CADPS2: variants seen among roughly 807,000 people sequenced by gnomAD.
CADPS2 encodes calcium-dependent secretion activator 2.
Under a neutral mutation model 172.5 loss-of-function variants are expected in CADPS2, and 93 were observed. The observed-to-expected ratio is 0.54, with a 90% CI of 0.46 to 0.64. The LOEUF is 0.64. Ranked by LOEUF, CADPS2 falls within the 30% of genes least tolerant of loss-of-function variation. The pLI, the probability that CADPS2 is intolerant of heterozygous loss-of-function variation, is 0.00. For missense variants in CADPS2, 1,420 were observed against 1,565.9 expected (o/e 0.91, Z 1.57); for synonymous variants, 546 against 555.2 (o/e 0.98, Z 0.23).
At chr7:122,669,643 A>G (rs1588281537) in intron 2 of CADPS2, among the ~76,000 whole-genome samples, 1 of 151,924 alleles carries the variant, frequency 6.6e-6, no homozygotes, top group Admixed American at 6.6e-5. Flanking sequence ...GAGGACAACG[A>G]AAGGCCCACA....
At chr7:122,471,590 C>T (rs1390131347) in intron 13 of CADPS2, 28 bp from the exon 14 acceptor site, 1 of 1,515,830 alleles carries the variant, frequency 6.6e-7, no homozygotes, top group Non-Finnish European at 8.9e-7. Context: ...AATAGATATA[C>T]ATGTTTTTTC....
At chr7:122,836,871 A>G (rs1808625675) in intron 1 of CADPS2, among the ~76,000 whole-genome samples, 1 of 152,196 alleles carries the variant, frequency 6.6e-6, no homozygotes, top group African/African-American at 2.4e-5. Flanking sequence ...CAGATCAACG[A>G]GACAGAAAGT....
chr7:122,841,670 A>T (rs1287892562), intron 1 of CADPS2, among the ~76,000 whole-genome samples: 3 of 152,204 alleles, frequency 2.0e-5, no homozygotes, highest in Non-Finnish European at 4.4e-5. Context: ...AGATCTGAAT[A>T]TGCAAAAAAT....
At chr7:122,561,388 AAAAC>A (rs1381681885) in intron 7 of CADPS2, among the ~76,000 whole-genome samples, 2 of 152,152 alleles carry the variant, frequency 1.3e-5, no homozygotes, top group Non-Finnish European at 2.9e-5. Context: ...GGGTAGAAGA[AAAAC>A]AAAGTATTAT....
intron 14 of CADPS2, among the ~76,000 whole-genome samples, chr7:122,462,903 C>G (rs2054640340): frequency 6.6e-6 from 1 of 152,108 alleles, no homozygotes; most frequent in Non-Finnish European, 1.5e-5. Flanking sequence ...CACTTGAGCC[C>G]AGGAGTTTGA....
chr7:122,530,214 A>G (rs2061638706), intron 8 of CADPS2, among the ~76,000 whole-genome samples: 1 of 152,042 alleles, frequency 6.6e-6, no homozygotes, highest in Non-Finnish European at 1.5e-5. Context: ...AATAAAATAT[A>G]TTTGTGAACT....
intron 20 of CADPS2, 119 bp downstream of exon 20, chr7:122,407,421 A>G: frequency 9.0e-7 from 1 of 1,109,514 alleles, no homozygotes; most frequent in South Asian, 1.6e-5. Flanking sequence ...GAGCAAACCT[A>G]AATGTTACCC....
Position 122,509,250 on chromosome 7 carries a change from T to C in CADPS2, c.1542+3999A>G, listed in dbSNP as rs2059844550. On this transcript the variant is annotated intron_variant, in intron 9 of 29. Coordinates refer to ENST00000449022, the MANE Select transcript of CADPS2 (RefSeq NM_017954.11). ...TCTTTATGTTGAAAGCAGATCTTGA[T>C]GACATCCCACTAACAGAGTGCCTCT... Among the ~76,000 whole-genome samples the C allele has an allele frequency of 2.0e-5, 3 of 152,188 alleles. No homozygotes were observed. In the South Asian group the frequency reaches 6.2e-4, roughly 31 times the overall value.
At chr7:122,860,461 C>T (rs1322432594) in intron 1 of CADPS2, among the ~76,000 whole-genome samples, 8 of 152,066 alleles carry the variant, frequency 5.3e-5, no homozygotes, top group Non-Finnish European at 1.0e-4. Flanking sequence ...TCTCAAACTC[C>T]TGGCCTCAAG....
intron 6 of CADPS2, among the ~76,000 whole-genome samples, chr7:122,581,721 G>A (rs973930573): frequency 2.6e-5 from 4 of 152,018 alleles, no homozygotes; most frequent in Non-Finnish European, 4.4e-5. Context: ...CACCTGAGAG[G>A]TCTTTATTAA....
intron 19 of CADPS2, among the ~76,000 whole-genome samples, chr7:122,408,539 C>T (rs2046940480): frequency 6.6e-6 from 1 of 152,166 alleles, no homozygotes; most frequent in South Asian, 2.1e-4. Flanking sequence ...ATTCTCATCC[C>T]TCAGCCACCC....
At chr7:122,831,889 G>A (rs1336546844) in intron 1 of CADPS2, among the ~76,000 whole-genome samples, 1 of 152,122 alleles carries the variant, frequency 6.6e-6, no homozygotes. Context: ...AAAAAGGGAA[G>A]CACCAATCTA....
intron 6 of CADPS2, among the ~76,000 whole-genome samples, chr7:122,592,884 T>C (rs1301199773): frequency 6.6e-6 from 1 of 151,810 alleles, no homozygotes; most frequent in African/African-American, 2.4e-5. Flanking sequence ...ATATACCTAA[T>C]GTAAATGATG....
chr7:122,649,898 ATTTTTTTTTTTTTTTTT>A (rs71531909), intron 3 of CADPS2, among the ~76,000 whole-genome samples: 2 of 51,974 alleles, frequency 3.8e-5, no homozygotes, highest in Non-Finnish European at 6.6e-5. Flanking sequence ...GTATTCAATG[ATTTTTTTTTTTTTTTTT>A]TTTTTTTTTT....
At chr7:122,385,690 A>G (rs1055056190) in intron 24 of CADPS2, among the ~76,000 whole-genome samples, 2 of 152,048 alleles carry the variant, frequency 1.3e-5, no homozygotes, top group African/African-American at 4.8e-5. Flanking sequence ...CAGAAGTCTC[A>G]TGACACAGGC....
intron 6 of CADPS2, among the ~76,000 whole-genome samples, chr7:122,581,517 TA>T (rs2068815132): frequency 1.3e-5 from 2 of 152,132 alleles, no homozygotes; most frequent in South Asian, 4.1e-4. Flanking sequence ...TGTTGGACTA[TA>T]AAAAATTGCA....
intron 15 of CADPS2, among the ~76,000 whole-genome samples, chr7:122,442,969 C>A (rs188799474): frequency 3.3e-5 from 5 of 152,272 alleles, no homozygotes; most frequent in Admixed American, 2.6e-4. Flanking sequence ...TAGCAAAGTA[C>A]CTTTAATCAT....
intron 6 of CADPS2, among the ~76,000 whole-genome samples, chr7:122,593,719 C>T (rs1356508094): frequency 1.3e-5 from 2 of 149,538 alleles, no homozygotes; most frequent in East Asian, 4.0e-4. Flanking sequence ...AAAATCCAGA[C>T]AATATGAAAA....
intron 8 of CADPS2, among the ~76,000 whole-genome samples, chr7:122,545,095 T>G (rs4727942): frequency 0.3 from 46,093 of 152,026 alleles, 7,390 homozygotes; most frequent in East Asian, 0.42. Context: ...CCACCTCCCA[T>G]TCCAGATTCT....
Sources: gnomAD v4.1 joint callset for allele counts (sites outside exome capture counted in the v4.1 genomes callset) on GRCh38, gnomAD v4.1.1 for gene constraint, MANE v1.5 for transcripts, NCBI Gene and HGNC (gene_info 2026-07-23, HGNC 2026-07-21) for gene names.